Variants in ARL15 observed in about 807,000 individuals in gnomAD.
The protein encoded by ARL15 is ARF like GTPase 15, also known as ADP-ribosylation factor-like protein 15.
ARL15 carries 19 observed loss-of-function variants against 25.2 expected under a neutral mutation model. The observed-to-expected ratio is 0.75, with a 90% CI of 0.53 to 1.10. The LOEUF (loss-of-function observed/expected upper bound fraction) is 1.10. ARL15 is among the 50% of genes least tolerant of loss of function. ARL15 has a pLI of 0.00. For synonymous variants in ARL15, 94 were observed against 86.8 expected (o/e 1.08, Z -0.46); for missense variants, 220 against 246.0 (o/e 0.89, Z 0.71).
intron 4 of ARL15, among the ~76,000 whole-genome samples, chr5:54,063,031 C>G (rs1751114764): frequency 6.6e-6 from 1 of 152,162 alleles, no homozygotes; most frequent in South Asian, 2.1e-4. Context: ...CCTTAGCTCT[C>G]ACAATAATGC....
At chr5:54,223,285 T>C (rs1213497256) in intron 1 of ARL15, among the ~76,000 whole-genome samples, 1 of 152,016 alleles carries the variant, frequency 6.6e-6, no homozygotes, top group Non-Finnish European at 1.5e-5. Context: ...AACGGCTTGG[T>C]TAAAAAAGAC....
intron 3 of ARL15, among the ~76,000 whole-genome samples, chr5:54,148,027 C>T (rs1212938898): frequency 1.3e-5 from 2 of 151,870 alleles, no homozygotes; most frequent in Non-Finnish European, 1.5e-5. Context: ...TGTGAAAATG[C>T]GTAAGATAAA....
At chr5:54,072,122 C>G (rs905653564) in intron 4 of ARL15, among the ~76,000 whole-genome samples, 2 of 152,198 alleles carry the variant, frequency 1.3e-5, no homozygotes, top group African/African-American at 4.8e-5. Flanking sequence ...GACACTGGGC[C>G]AATTTTTGTT....
chr5:54,098,380 C>T (rs1032283341), intron 4 of ARL15, among the ~76,000 whole-genome samples: 4 of 152,142 alleles, frequency 2.6e-5, no homozygotes, highest in Admixed American at 6.5e-5. Context: ...CTCTTTTCTC[C>T]GCAGACATCG....
rs367655397 is a variant in ARL15, at chr5:54,115,255, TACTCATTAG to T, written c.254-1854_254-1846del. Among the ~76,000 whole-genome samples the T allele has an allele frequency of 8.7e-4, 132 of 152,312 alleles. 1 individual carries two copies. The highest frequency in any genetic ancestry group is 3.1e-3 in the African/African-American group (128 of 41,560). On this transcript the variant is annotated intron_variant, in intron 3 of 4. Transcript: ENST00000504924. ...GTACAAGAAAGTGCTGTCATAGAGA[TACTCATTAG>T]GTCCTCTGGGATCAAGAGATAGGCA... is the stretch of plus-strand genomic sequence containing the variant.
chr5:53,923,176 T>C (rs1489429326), intron 4 of ARL15, among the ~76,000 whole-genome samples: 3 of 152,140 alleles, frequency 2.0e-5, no homozygotes, highest in African/African-American at 7.2e-5. Context: ...TGGTCTTCAA[T>C]GGCTGCCATT....
At chr5:54,170,606 C>T (rs552295456) in intron 2 of ARL15, among the ~76,000 whole-genome samples, 4 of 152,058 alleles carry the variant, frequency 2.6e-5, no homozygotes, top group Non-Finnish European at 4.4e-5. Context: ...TCACACTGCC[C>T]CTCTGCTCCT....
At chr5:54,065,644 G>A (rs1267409182) in intron 4 of ARL15, among the ~76,000 whole-genome samples, 1 of 151,250 alleles carries the variant, frequency 6.6e-6, no homozygotes, top group Non-Finnish European at 1.5e-5. Context: ...CTGCAACCTG[G>A]GCAACAGAGA....
At chr5:53,894,977 T>G (rs758862850) in intron 4 of ARL15, among the ~76,000 whole-genome samples, 3 of 152,216 alleles carry the variant, frequency 2.0e-5, no homozygotes, top group Non-Finnish European at 2.9e-5. Flanking sequence ...CTCAGCATGC[T>G]CATTTACTTA....
intron 4 of ARL15, among the ~76,000 whole-genome samples, chr5:54,049,561 A>G (rs1354368619): frequency 6.6e-6 from 1 of 152,080 alleles, no homozygotes; most frequent in East Asian, 2.0e-4. Flanking sequence ...AATTAAATTA[A>G]TCAATGATAG....
In ARL15 at chr5:54,297,028, T is replaced by A. The variant is rs180828815; in HGVS notation, c.48+13404A>T. On this transcript the variant is annotated intron_variant, in intron 1 of 4. Coordinates refer to ENST00000504924, the MANE Select transcript of ARL15 (RefSeq NM_019087.3). ...TGAAAGATGCTATTTCATCTAGCAT[T>A]TCCCTGGTTTAGGTAGTTGGGAGAA... Among the ~76,000 whole-genome samples, 47 of 152,322 alleles carry A rather than the reference T, an allele frequency of 3.1e-4. No homozygotes were observed. In the South Asian group the frequency reaches 6.0e-3, roughly 19 times the overall value.
intron 4 of ARL15, among the ~76,000 whole-genome samples, chr5:53,893,581 C>A (rs1189954988): frequency 6.6e-6 from 1 of 152,124 alleles, no homozygotes; most frequent in African/African-American, 2.4e-5. Flanking sequence ...GCACTCGAGC[C>A]TGGGCGACAG....
intron 1 of ARL15, among the ~76,000 whole-genome samples, chr5:54,238,680 T>C (rs1756874466): frequency 6.6e-6 from 1 of 152,148 alleles, no homozygotes. Flanking sequence ...AAGAAAAACC[T>C]TGAGTAAAAG....
intron 1 of ARL15, among the ~76,000 whole-genome samples, chr5:54,241,096 T>C (rs1762364533): frequency 6.6e-6 from 1 of 152,184 alleles, no homozygotes; most frequent in South Asian, 2.1e-4. Flanking sequence ...TGCTTAATAC[T>C]ATATAATGAT....
chr5:54,166,548 T>C (rs1024771580), intron 2 of ARL15, among the ~76,000 whole-genome samples: 3 of 152,084 alleles, frequency 2.0e-5, no homozygotes, highest in East Asian at 1.9e-4. Flanking sequence ...CTTGGATCTG[T>C]AGGTGTAGAG....
intron 4 of ARL15, among the ~76,000 whole-genome samples, chr5:53,897,736 TA>T (rs1386528847): frequency 6.6e-6 from 1 of 152,228 alleles, no homozygotes; most frequent in Non-Finnish European, 1.5e-5. Flanking sequence ...GAAACAACTT[TA>T]TATCCTGAGA....
chr5:54,208,763 C>T (rs1046214190), intron 1 of ARL15, among the ~76,000 whole-genome samples: 4 of 152,192 alleles, frequency 2.6e-5, no homozygotes, highest in Admixed American at 6.5e-5. Flanking sequence ...CAGCAAGCAT[C>T]TTACAGAAGA....
At chr5:54,022,723 A>T (rs910401079) in intron 4 of ARL15, among the ~76,000 whole-genome samples, 1 of 152,130 alleles carries the variant, frequency 6.6e-6, no homozygotes, top group African/African-American at 2.4e-5. Flanking sequence ...TTTGAGTCTC[A>T]TATTGTGTGG....
At chr5:54,140,886 G>A (rs1365162106) in intron 3 of ARL15, among the ~76,000 whole-genome samples, 1 of 152,046 alleles carries the variant, frequency 6.6e-6, no homozygotes, top group Non-Finnish European at 1.5e-5. Flanking sequence ...TAGGAATTAT[G>A]CTAATATATT....
Sources: gnomAD v4.1 joint callset for allele counts (sites outside exome capture counted in the v4.1 genomes callset) on GRCh38, gnomAD v4.1.1 for gene constraint, MANE v1.5 for transcripts, NCBI Gene and HGNC (gene_info 2026-07-23, HGNC 2026-07-21) for gene names.